CUX1: variants seen among roughly 807,000 people sequenced by gnomAD.
CUX1 encodes the protein cut like homeobox 1, also known as protein CASP.
Under a neutral mutation model 158.8 loss-of-function variants are expected in CUX1, and 31 were observed. The ratio of observed to expected loss-of-function variants is 0.20; its 90% CI spans 0.15 to 0.26. The LOEUF (loss-of-function observed/expected upper bound fraction) is 0.26. CUX1 is among the 10% of genes least tolerant of loss of function. The pLI is 1.00. For synonymous variants in CUX1, 879 were observed against 862.1 expected (o/e 1.02, Z -0.34); for missense variants, 1,589 against 2,014.6 (o/e 0.79, Z 4.04).
Position 102,118,366 on chromosome 7 carries a change from T to C in CUX1, c.674+3093T>C, listed in dbSNP as rs541352520. ...CAGCCTGGGCAACATGGCAAAAGCCTGTCTCTACAAAAAATACAAAAATTA... is the reference window on the plus strand; with the variant it reads ...CAGCCTGGGCAACATGGCAAAAGCCCGTCTCTACAAAAAATACAAAAATTA... On this transcript the variant is annotated intron_variant, in intron 8 of 23. Coordinates refer to ENST00000292535, the MANE Select transcript of CUX1 (RefSeq NM_181552.4). Among the ~76,000 whole-genome samples the C allele has an allele frequency of 1.1e-3, 160 of 152,198 alleles. 4 individuals carry two copies. Among genetic ancestry groups the C allele is most frequent in the South Asian group, 7.3e-3 (35 of 4,824 alleles).
chr7:101,991,249 C>G (rs1815080560), intron 2 of CUX1, among the ~76,000 whole-genome samples: 1 of 152,204 alleles, frequency 6.6e-6, no homozygotes, highest in Non-Finnish European at 1.5e-5. Context: ...TTGTAGGTCC[C>G]CCTACACCAC....
At chr7:102,183,528 G>T (rs1793338092) in intron 11 of CUX1, among the ~76,000 whole-genome samples, 1 of 152,148 alleles carries the variant, frequency 6.6e-6, no homozygotes, top group Admixed American at 6.5e-5. Context: ...CATGCCTGCT[G>T]CCTCTGCCTG....
chr7:102,254,672 G>A lies in CUX1; in HGVS notation c.*5630G>A. 1.0e-6 allele frequency: 1 copy of A among 985,442 alleles called. No homozygotes were observed. Among genetic ancestry groups the A allele is most frequent in the South Asian group, 4.7e-5 (1 of 21,290 alleles). 61.0% of individuals were successfully genotyped at this position (985,442 alleles called of 1,614,324 possible). On this transcript the variant is annotated 3_prime_UTR_variant, in exon 24 of 24. Transcript: ENST00000292535. ...AAAGCTCACATTTAGAAAGCCCTCA[G>A]TGCTTCTGTGGTTTCACCTGGGCAT...
In CUX1 at chr7:102,239,442, G is replaced by A; in HGVS notation, c.3745G>A (p.Val1249Met). 6.2e-7 allele frequency: 1 copy of A among 1,614,018 alleles called. No homozygotes were observed. Among genetic ancestry groups the A allele is most frequent in the Non-Finnish European group, 8.5e-7 (1 of 1,179,930 alleles). ...CCAGCACCAGCTGAAGAAACCCCGG[G>A]TGGTGCTGGCTCCGGAGGAGAAGGA... Reference protein sequence around the residue: ...QPQHQLKKPRVVLAPEEKEAL... With the variant: ...QPQHQLKKPRMVLAPEEKEAL... The change falls in exon 23 of 24, where the codon GTG (valine) becomes ATG (methionine). Residue 1249 changes from valine (V) to methionine (M), a missense_variant. Physicochemically the swap from Val to Met is conservative, Grantham distance 21. This residue lies in a region of CUX1 where 259 missense variants were observed against 373.8 expected (regional missense o/e 0.69). Transcript: ENST00000292535.
intron 1 of CUX1, among the ~76,000 whole-genome samples, chr7:101,901,397 G>A (rs1802126327): frequency 6.6e-6 from 1 of 151,998 alleles, no homozygotes; most frequent in African/African-American, 2.4e-5. Context: ...GGGTTCTAGC[G>A]ATTCTCCTGC....
chr7:101,870,233 A>G (rs1798376507), intron 1 of CUX1, among the ~76,000 whole-genome samples: 1 of 145,810 alleles, frequency 6.9e-6, no homozygotes, highest in South Asian at 2.1e-4. Context: ...AGCTCACTGC[A>G]GCCTCAACCT....
At position 101,872,022 on chromosome 7, in the gene CUX1, A is replaced by C. The variant is rs531336810; in HGVS notation, c.31-44093A>C. Among the ~76,000 whole-genome samples, 320 of 149,522 alleles carry C rather than the reference A, an allele frequency of 2.1e-3. 3 individuals are homozygous for C. The highest frequency in any genetic ancestry group is 3.4e-3 in the Middle Eastern group (1 of 290). On this transcript the variant is annotated intron_variant, in intron 1 of 23. Transcript: ENST00000292535. ...GACAGAGCGAGACTCCATCCCCCCA[A>C]AAAAAAAAAAAGAAAAGAAAGTTGT... is the stretch of plus-strand genomic sequence containing the variant.
chr7:102,111,856 C>A, intron 7 of CUX1, 82 bp downstream of exon 7: 1 of 1,231,990 alleles, frequency 8.1e-7, no homozygotes, highest in South Asian at 1.3e-5. Context: ...CGCCCCGGTC[C>A]CCGCGGATAC....
At position 102,197,648 on chromosome 7, in the gene CUX1, G is replaced by A. The variant is rs186854196; in HGVS notation, c.1894+343G>A. Among the ~76,000 whole-genome samples the A allele has an allele frequency of 6.6e-5, 10 of 152,248 alleles. No homozygotes were observed. In the East Asian group the frequency reaches 1.9e-3, roughly 29 times the overall value. ...GCGGGTCCAATTGGCCTTGGGTGCT[G>A]GTCTCACTTTTGGGAGGAGCCCTTA... On this transcript the variant is annotated intron_variant, in intron 15 of 23. Coordinates refer to ENST00000292535, the MANE Select transcript of CUX1 (RefSeq NM_181552.4).
At chr7:102,150,021 G>T (rs781927028) in intron 8 of CUX1, among the ~76,000 whole-genome samples, 1 of 152,206 alleles carries the variant, frequency 6.6e-6, no homozygotes, top group African/African-American at 2.4e-5. Flanking sequence ...GGGAGAGTTC[G>T]CTTGATCAAA....
At chr7:102,182,249 G>A (rs1586089196) in intron 11 of CUX1, among the ~76,000 whole-genome samples, 2 of 152,330 alleles carry the variant, frequency 1.3e-5, no homozygotes, top group South Asian at 2.1e-4. Context: ...GTCACTTGGG[G>A]AGAGGGCATT....
chr7:101,919,761 C>T (rs929262107), intron 2 of CUX1, among the ~76,000 whole-genome samples: 25 of 152,342 alleles, frequency 1.6e-4, no homozygotes, highest in Middle Eastern at 3.4e-3. Flanking sequence ...ATTTCACCTT[C>T]TAGACTGGCC....
intron 8 of CUX1, among the ~76,000 whole-genome samples, chr7:102,133,428 C>T (rs1833540691): frequency 1.3e-5 from 2 of 150,744 alleles, no homozygotes; most frequent in African/African-American, 4.9e-5. Context: ...ATAGAGAGAA[C>T]CTGGGGGCTT....
At chr7:102,086,949 A>T (rs2130803543) in intron 4 of CUX1, among the ~76,000 whole-genome samples, 1 of 152,270 alleles carries the variant, frequency 6.6e-6, no homozygotes, top group African/African-American at 2.4e-5. Context: ...TGATTTTAAT[A>T]TAAGCACTCT....
chr7:102,256,232 T>A lies in CUX1; in HGVS notation c.*7190T>A, dbSNP rs1262772225. ...GGCCACAGCCATCCCTTCCAGCACT[T>A]AATCTTGTCTTGTTGAAATGGACTG... On this transcript the variant is annotated 3_prime_UTR_variant, in exon 24 of 24. Transcript: ENST00000292535. 1 of 985,334 alleles carries A rather than the reference T, an allele frequency of 1.0e-6. No individual in the cohort carries two copies. Among genetic ancestry groups the A allele is most frequent in the African/African-American group, 1.7e-5 (1 of 57,244 alleles). 61.0% of individuals were successfully genotyped at this position (985,334 alleles called of 1,614,324 possible). A position where few individuals can be genotyped will look rare whatever the true frequency, so the allele number is the denominator to read the frequency against.
intron 1 of CUX1, among the ~76,000 whole-genome samples, chr7:101,885,968 A>G (rs1277260011): frequency 6.6e-6 from 1 of 152,168 alleles, no homozygotes; most frequent in African/African-American, 2.4e-5. Context: ...TCCTTCAGTG[A>G]CTGGCCCCCA....
chr7:101,870,010 C>T (rs1157373348), intron 1 of CUX1, among the ~76,000 whole-genome samples: 2 of 151,918 alleles, frequency 1.3e-5, no homozygotes, highest in African/African-American at 2.4e-5. Context: ...CTTTTCTGAC[C>T]CCCTCCTGAG....
intron 2 of CUX1, among the ~76,000 whole-genome samples, chr7:101,936,480 A>T (rs1333958172): frequency 6.6e-6 from 1 of 152,136 alleles, no homozygotes; most frequent in Non-Finnish European, 1.5e-5. Flanking sequence ...ACTCAGGGAG[A>T]TGGGAACCCC....
At chr7:102,089,877 A>G (rs1195293686) in intron 4 of CUX1, among the ~76,000 whole-genome samples, 1 of 152,142 alleles carries the variant, frequency 6.6e-6, no homozygotes, top group Non-Finnish European at 1.5e-5. Context: ...CTTCATTGTG[A>G]TGCAATCCAG....
Sources: allele counts gnomAD v4.1 joint callset (sites outside exome capture counted in the v4.1 genomes callset), GRCh38; gene constraint gnomAD v4.1.1; regional missense constraint gnomAD v4.1.1; transcripts MANE v1.5; gene names NCBI Gene and HGNC (gene_info 2026-07-23, HGNC 2026-07-21).